The following IFT122 variants were observed in gnomAD, a reference collection of about 807,000 sequenced individuals.
The protein encoded by IFT122 is intraflagellar transport 122, also known as intraflagellar transport protein 122 homolog.
Under a neutral mutation model 161.6 loss-of-function variants are expected in IFT122, and 118 were observed. The observed-to-expected ratio is 0.73, with a 90% CI of 0.63 to 0.85. IFT122 has a LOEUF of 0.85. Among genes scored for constraint, IFT122 ranks in the 40% least tolerant of loss-of-function variants. The pLI is 0.00. For synonymous variants in IFT122, 550 were observed against 602.4 expected (o/e 0.91, Z 1.27); for missense variants, 1,381 against 1,579.6 (o/e 0.87, Z 2.13).
At chr3:129,461,966 A>G (rs2076255354) in intron 5 of IFT122, among the ~76,000 whole-genome samples, 1 of 152,196 alleles carries the variant, frequency 6.6e-6, no homozygotes. Flanking sequence ...CAGCTCTATC[A>G]GTCTGTGTTC....
At chr3:129,510,641 C>T (rs1299143115) in intron 23 of IFT122, among the ~76,000 whole-genome samples, 1 of 152,192 alleles carries the variant, frequency 6.6e-6, no homozygotes, top group African/African-American at 2.4e-5. Context: ...GCTCCCTGTC[C>T]TCTTCCTCAC....
At chr3:129,467,248 C>T (rs570152122) in intron 8 of IFT122, among the ~76,000 whole-genome samples, 182 bp downstream of exon 8, 5 of 152,292 alleles carry the variant, frequency 3.3e-5, no homozygotes, top group Admixed American at 2.6e-4. Context: ...ATAAAGTGAT[C>T]CTGTGAGAAA....
In IFT122 at chr3:129,503,982, C is replaced by A. The variant is rs192523942; in HGVS notation, c.2548-337C>A. On this transcript the variant is annotated intron_variant, in intron 20 of 29. Transcript: ENST00000348417. ...ATGTCAATTCTGTTTCCTTAGGTGT[C>A]GCCCGCAATTAAAAGAAATCTGTTT... is the stretch of plus-strand genomic sequence containing the variant. 3.4e-4 allele frequency: 123 copies of A among 361,282 alleles called. 3 individuals are homozygous for A. The highest frequency in any genetic ancestry group is 2.7e-3 in the South Asian group (119 of 44,660). 22.4% of individuals were successfully genotyped at this position (361,282 alleles called of 1,614,324 possible). A position where few individuals can be genotyped will look rare whatever the true frequency, so the allele number is the denominator to read the frequency against.
chr3:129,465,564 G>A (rs897702729), intron 7 of IFT122, among the ~76,000 whole-genome samples: 1 of 148,508 alleles, frequency 6.7e-6, no homozygotes, highest in Non-Finnish European at 1.5e-5. Flanking sequence ...TCCACCTCTC[G>A]GGTTCACGCA....
At chr3:129,501,159 A>T (rs1372505755) in intron 19 of IFT122, among the ~76,000 whole-genome samples, 1 of 152,116 alleles carries the variant, frequency 6.6e-6, no homozygotes, top group Non-Finnish European at 1.5e-5. Flanking sequence ...TTGAGGGGGA[A>T]GGCTTTGTCC....
rs2084445160 is a variant in IFT122, at chr3:129,519,321, G to A, written c.3471+135G>A. On this transcript the variant is annotated intron_variant, in intron 28 of 29. Transcript: ENST00000348417. The stretch of plus-strand genomic sequence containing the variant: ...CCAGATGTGGTGGCACGAAGGAGGG[G>A]CAGGACCCCTTCCTGTGGGGTGTGG... 6 of 991,168 alleles carry A rather than the reference G, an allele frequency of 6.1e-6. No individual in the cohort carries two copies. In the Admixed American group the frequency reaches 9.6e-5, roughly 16 times the overall value. 61.4% of individuals were successfully genotyped at this position (991,168 alleles called of 1,614,324 possible).
intron 17 of IFT122, 116 bp downstream of exon 17, chr3:129,492,310 C>T (rs554418963): frequency 1.2e-6 from 1 of 837,958 alleles, no homozygotes; most frequent in South Asian, 1.3e-5. Flanking sequence ...TCACTGGCGT[C>T]TGGGCATCTG....
chr3:129,471,939 A>T (rs1175763463), intron 9 of IFT122, among the ~76,000 whole-genome samples: 1 of 152,200 alleles, frequency 6.6e-6, no homozygotes. Context: ...TCCTTATAAC[A>T]ACCCTATGAG....
intron 2 of IFT122, among the ~76,000 whole-genome samples, chr3:129,450,789 C>T (rs1162975209): frequency 7.0e-6 from 1 of 143,208 alleles, no homozygotes; most frequent in Non-Finnish European, 1.5e-5. Flanking sequence ...GACGCGATCT[C>T]GGCTTACTGC....
chr3:129,481,112 A>G (rs188560937), intron 13 of IFT122, among the ~76,000 whole-genome samples: 1 of 152,226 alleles, frequency 6.6e-6, no homozygotes, highest in East Asian at 1.9e-4. Context: ...GATAGCTATC[A>G]TGATCACTAT....
chr3:129,490,609 G>C (rs1226043925), intron 16 of IFT122, among the ~76,000 whole-genome samples: 1 of 152,248 alleles, frequency 6.6e-6, no homozygotes, highest in Non-Finnish European at 1.5e-5. Flanking sequence ...GAGGGTGTCA[G>C]TAGCAGGCCC....
rs2078174775 is a variant in IFT122, at chr3:129,478,099, A to G, written c.1231A>G (p.Ile411Val). 6 of 1,613,978 alleles carry G rather than the reference A, an allele frequency of 3.7e-6. 1 individual carries two copies. The highest frequency in any genetic ancestry group is 3.3e-5 in the South Asian group (3 of 91,090). ...LAIQLPEKIL[I>V]YELYSEDLSD... ...TATCCAACTGCCAGAGAAAATCCTC[A>G]TCTATGAGTTGTATTCAGAGGACTT... Residue 411 changes from isoleucine (I) to valine (V), a missense_variant, in exon 12 of 30, where the codon ATC becomes GTC. By Grantham distance (29) the Ile-to-Val change is conservative. Coordinates refer to ENST00000348417, the MANE Select transcript of IFT122 (RefSeq NM_052989.3).
At chr3:129,508,716 T>C (rs374396112) in intron 23 of IFT122, among the ~76,000 whole-genome samples, 3 of 152,230 alleles carry the variant, frequency 2.0e-5, no homozygotes, top group East Asian at 3.8e-4. Flanking sequence ...ATTTTCTGCA[T>C]CCTGCTGGTT....
intron 8 of IFT122, among the ~76,000 whole-genome samples, chr3:129,467,404 T>C (rs2076923686): frequency 6.6e-6 from 1 of 151,372 alleles, no homozygotes; most frequent in Non-Finnish European, 1.5e-5. Context: ...CATATTCTGC[T>C]TTTTTTTTCA....
At chr3:129,486,966 A>G (rs2079360783) in intron 15 of IFT122, among the ~76,000 whole-genome samples, 1 of 152,216 alleles carries the variant, frequency 6.6e-6, no homozygotes, top group Admixed American at 6.5e-5. Flanking sequence ...TGGAAAAGAT[A>G]AGCACTTGGA....
At chr3:129,514,287 C>G (rs2083197804) in intron 24 of IFT122, 102 bp from the exon 25 acceptor site, 1 of 1,323,874 alleles carries the variant, frequency 7.6e-7, no homozygotes. Context: ...TTCCCGGCAC[C>G]AGCACAAGCT....
At chr3:129,493,402 A>G (rs1276484376) in intron 17 of IFT122, among the ~76,000 whole-genome samples, 5 of 152,230 alleles carry the variant, frequency 3.3e-5, no homozygotes, top group East Asian at 1.9e-4. Flanking sequence ...TAAGCCTCAT[A>G]ACGTAATCTG....
intron 5 of IFT122, 42 bp downstream of exon 5, chr3:129,461,346 A>G (rs199612057): frequency 1.4e-6 from 2 of 1,475,876 alleles, no homozygotes; most frequent in Admixed American, 3.3e-5. Flanking sequence ...AATAACTGAA[A>G]ATCTGGGCTA....
chr3:129,498,764 C>A (rs1028727284), intron 18 of IFT122, among the ~76,000 whole-genome samples: 7 of 152,148 alleles, frequency 4.6e-5, no homozygotes, highest in Non-Finnish European at 1.0e-4. Context: ...CTCAGTGAGG[C>A]TGACACAAAG....
Sources: gnomAD v4.1 joint callset for allele counts (sites outside exome capture counted in the v4.1 genomes callset) on GRCh38, gnomAD v4.1.1 for gene constraint, MANE v1.5 for transcripts, NCBI Gene and HGNC (gene_info 2026-07-23, HGNC 2026-07-21) for gene names.